ABR: variants seen among roughly 807,000 people sequenced by gnomAD.
The protein encoded by ABR is active breakpoint cluster region-related protein.
In ABR, 35 loss-of-function variants were observed where a neutral mutation model predicts 107.2. That is an observed-to-expected ratio of 0.33 (90% CI 0.25 to 0.43). The LOEUF (loss-of-function observed/expected upper bound fraction) is 0.43, where lower values mean the gene tolerates loss of function less well. Ranked by LOEUF, ABR falls within the 20% of genes least tolerant of loss-of-function variation. ABR has a pLI of 1.00. For missense variants in ABR, 815 were observed against 1,115.2 expected (o/e 0.73, Z 3.83); for synonymous variants, 498 against 462.0 (o/e 1.08, Z -1.00).
In ABR at chr17:1,004,007, C is replaced by G. The variant is rs940096230; in HGVS notation, c.*2073G>C. 1 of 152,314 alleles carries G rather than the reference C, an allele frequency of 6.6e-6. No individual in the cohort carries two copies. The highest frequency in any genetic ancestry group is 2.4e-5 in the African/African-American group (1 of 41,468). 9.4% of individuals were successfully genotyped at this position (152,314 alleles called of 1,614,324 possible). ...CTTTGCATTTCTCAGCCTTTGCAGC[C>G]TTCCCATAGCCTGTTCTCACGTTGC... On this transcript the variant is annotated 3_prime_UTR_variant, in exon 23 of 23. Coordinates refer to ENST00000302538, the MANE Select transcript of ABR (RefSeq NM_021962.5).
chr17:1,108,549 G>C (rs761609835), intron 2 of ABR, among the ~76,000 whole-genome samples: 2 of 152,278 alleles, frequency 1.3e-5, no homozygotes, highest in Non-Finnish European at 2.9e-5. Flanking sequence ...TCTTGCCTCA[G>C]CTCGGAGACA....
chr17:1,180,048 G>A (rs1459953353), upstream of ABR, among the ~76,000 whole-genome samples: 309 of 53,180 alleles, frequency 5.8e-3, 1 homozygote, highest in African/African-American at 0.025. Flanking sequence ...CGGGGGCGGG[G>A]CTTTGGTGCG....
intron 7 of ABR, among the ~76,000 whole-genome samples, chr17:1,073,008 C>T (rs1358190008): frequency 1.3e-5 from 2 of 151,990 alleles, no homozygotes. Flanking sequence ...GGTGAAACCC[C>T]ATCTCTAGTA....
At chr17:1,149,027 A>AGT (rs2040681129) in intron 1 of ABR, among the ~76,000 whole-genome samples, 3 of 147,380 alleles carry the variant, frequency 2.0e-5, no homozygotes, top group Non-Finnish European at 3.0e-5. Context: ...TCAGCCTCCC[A>AGT]AGTAGCTGGG....
chr17:1,182,301 C>T (rs901545985), upstream of ABR: 1 of 152,120 alleles, frequency 6.6e-6, no homozygotes, highest in African/African-American at 2.4e-5. Flanking sequence ...GCTGAGTAAC[C>T]CACTCAGAGG....
rs927720160 is a variant in ABR, at chr17:1,106,129, C to T, written c.247-5394G>A. The stretch of plus-strand genomic sequence containing the variant: ...ATAACTCTTCAAAGGTAAGTCTGGG[C>T]TGAGATATGCAGCAAACTCCAGCTA... On this transcript the variant is annotated intron_variant, in intron 2 of 22. Coordinates refer to ENST00000302538, the MANE Select transcript of ABR (RefSeq NM_021962.5). Among the ~76,000 whole-genome samples the T allele has an allele frequency of 2.0e-5, 3 of 152,106 alleles. No individual in the cohort carries two copies. The East Asian group carries it at 5.8e-4, about 29-fold the overall frequency.
chr17:1,122,990 A>G (rs1296215079), intron 2 of ABR, among the ~76,000 whole-genome samples: 2 of 152,114 alleles, frequency 1.3e-5, no homozygotes, highest in African/African-American at 2.4e-5. Context: ...AGGGGAGGGG[A>G]CCTGTTTGGC....
chr17:1,015,620 C>G (rs373896481), intron 16 of ABR, among the ~76,000 whole-genome samples: 77 of 151,864 alleles, frequency 5.1e-4, no homozygotes, highest in African/African-American at 1.5e-3. Context: ...CCACACCCGG[C>G]TAATTTTTTG....
chr17:1,178,302 G>A (rs772317643), intron 1 of ABR, among the ~76,000 whole-genome samples: 10 of 151,544 alleles, frequency 6.6e-5, no homozygotes, highest in Non-Finnish European at 1.2e-4. Flanking sequence ...GTTGGCTCAC[G>A]CCTGTAATCC....
intron 1 of ABR, chr17:1,125,682 G>A (rs1436159424): frequency 3.0e-6 from 1 of 337,478 alleles, no homozygotes. Context: ...AATTCCAAGT[G>A]TAAAAATTAA....
At chr17:1,132,437 G>T in intron 1 of ABR, among the ~76,000 whole-genome samples, 1 of 134,186 alleles carries the variant, frequency 7.5e-6, no homozygotes, top group Non-Finnish European at 1.5e-5. Context: ...GGAATGCATT[G>T]GCACGATCTC....
chr17:1,091,273 A>G (rs930455582), intron 4 of ABR, among the ~76,000 whole-genome samples: 2 of 152,020 alleles, frequency 1.3e-5, no homozygotes, highest in African/African-American at 4.8e-5. Flanking sequence ...CTGGTTCCTC[A>G]GAGCACCCTC....
chr17:1,184,105 C>T (rs527577621), upstream of ABR, among the ~76,000 whole-genome samples: 2 of 151,162 alleles, frequency 1.3e-5, no homozygotes, highest in South Asian at 2.1e-4. Flanking sequence ...AGCAGTGAGC[C>T]GAGATCCTGT....
chr17:1,011,724 A>C lies in ABR; in HGVS notation c.2101+122T>G. 8.0e-7 allele frequency: 1 copy of C among 1,245,160 alleles called. No homozygotes were observed. Among genetic ancestry groups the C allele is most frequent in the South Asian group, 2.0e-5 (1 of 49,808 alleles). The allele number at this position is 1,245,160 out of a possible 1,614,324, so 77.1% of individuals were successfully genotyped here. On this transcript the variant is annotated intron_variant, in intron 19 of 22. Transcript: ENST00000302538. The surrounding 1 kb of genome is among the most constrained non-coding windows in gnomAD (Gnocchi z 4.8). ...ACAAGAGAAAGCACTTGCCACGGGGACTCTGAAGCAGAGCAAGCCTCCTCT... is the reference window on the plus strand; with the variant it reads ...ACAAGAGAAAGCACTTGCCACGGGGCCTCTGAAGCAGAGCAAGCCTCCTCT...
At chr17:1,038,427 G>A (rs1286604208) in intron 16 of ABR, among the ~76,000 whole-genome samples, 1 of 152,212 alleles carries the variant, frequency 6.6e-6, no homozygotes, top group Non-Finnish European at 1.5e-5. Context: ...AGTGGCTGTG[G>A]GTTCGCCCTG....
intron 6 of ABR, among the ~76,000 whole-genome samples, chr17:1,077,438 C>T (rs991445745): frequency 3.9e-5 from 6 of 152,172 alleles, no homozygotes; most frequent in Non-Finnish European, 5.9e-5. Context: ...AGAGTCAAGA[C>T]CTGACCAACT....
rs976545317 is a variant in ABR at position 1,226,815 on chromosome 17, A to G, written c.838+1978T>C. Among the ~76,000 whole-genome samples, 8 of 151,334 alleles carry G rather than the reference A, an allele frequency of 5.3e-5. No individual in the cohort carries two copies. In the East Asian group the frequency reaches 1.4e-3, roughly 26 times the overall value. On this transcript the variant is annotated intron_variant, in intron 1 of 22. Coordinates refer to the ABR transcript ENST00000574139. ...TGTATACGTGTGCAGGTGTGTGTGTATATGTGTGCATGCATGTATGTGGCA... is the reference window on the plus strand; with the variant it reads ...TGTATACGTGTGCAGGTGTGTGTGTGTATGTGTGCATGCATGTATGTGGCA...
rs75799636 is a variant in ABR, at chr17:1,070,129, G to A, written c.895-39C>T. ...CAGACCCCCCAGCCTGCTCAGAGGG[G>A]AATGCGGCCGAGGGCAGAGCCTGCA... On this transcript the variant is annotated intron_variant, in intron 8 of 22. Transcript: ENST00000302538. The surrounding 1 kb of genome is among the most constrained non-coding windows in gnomAD (Gnocchi z 4.2). 3,502 of 1,611,024 alleles carry A rather than the reference G, an allele frequency of 2.2e-3. 69 individuals carry two copies. The African/African-American group carries it at 0.04, about 18-fold the overall frequency.
intron 18 of ABR, 57 bp from the exon 19 acceptor site, chr17:1,012,042 C>T (rs1385790842): frequency 6.2e-7 from 1 of 1,605,330 alleles, no homozygotes; most frequent in Admixed American, 1.7e-5. Flanking sequence ...TCTCCCGTAG[C>T]AACCCCCACC....
Sources: allele counts gnomAD v4.1 joint callset (sites outside exome capture counted in the v4.1 genomes callset), GRCh38; gene constraint gnomAD v4.1.1; non-coding constraint Gnocchi (gnomAD v3.1); transcripts MANE v1.5; gene names NCBI Gene and HGNC (gene_info 2026-07-23, HGNC 2026-07-21).